Variants in GOLM1 observed in about 807,000 individuals in gnomAD.
GOLM1 encodes golgi membrane protein 1, also known as epididymis luminal protein 46.
GOLM1 carries 31 observed loss-of-function variants against 50.5 expected under a neutral mutation model. The ratio of observed to expected loss-of-function variants is 0.61; its 90% CI spans 0.46 to 0.83. The LOEUF (loss-of-function observed/expected upper bound fraction) is 0.83, where lower values mean the gene tolerates loss of function less well. Ranked by LOEUF, GOLM1 falls within the 40% of genes least tolerant of loss-of-function variation. GOLM1 has a pLI of 0.00. For missense variants in GOLM1, 491 were observed against 501.3 expected (o/e 0.98, Z 0.20); for synonymous variants, 178 against 192.8 (o/e 0.92, Z 0.64).
chr9:86,087,930 G>A (rs1835030734), intron 1 of GOLM1, among the ~76,000 whole-genome samples: 1 of 152,144 alleles, frequency 6.6e-6, no homozygotes, highest in Non-Finnish European at 1.5e-5. Context: ...CCAGGTTTTG[G>A]TATCAGGATG....
intron 3 of GOLM1, among the ~76,000 whole-genome samples, chr9:86,060,762 C>T (rs1479240353): frequency 1.3e-5 from 2 of 151,372 alleles, no homozygotes; most frequent in African/African-American, 4.9e-5. Context: ...CCTGTAATCC[C>T]AGCTACTTGG....
chr9:86,076,285 G>A (rs956093062), intron 3 of GOLM1, among the ~76,000 whole-genome samples: 1 of 151,796 alleles, frequency 6.6e-6, no homozygotes, highest in Non-Finnish European at 1.5e-5. Context: ...GCTGGGCGTG[G>A]TGGCACATGC....
intron 3 of GOLM1, 58 bp from the exon 4 acceptor site, chr9:86,052,649 A>G: frequency 6.8e-7 from 1 of 1,461,692 alleles, no homozygotes; most frequent in South Asian, 1.1e-5. Context: ...CCTGACAGCC[A>G]GATGTGATAC....
chr9:86,089,276 G>T (rs1189017840), intron 1 of GOLM1, among the ~76,000 whole-genome samples: 4 of 152,106 alleles, frequency 2.6e-5, no homozygotes, highest in Non-Finnish European at 5.9e-5. Flanking sequence ...GGTGTTCTCT[G>T]TATTTCCTGA....
intron 3 of GOLM1, among the ~76,000 whole-genome samples, chr9:86,052,794 C>A (rs1035261203): frequency 6.6e-6 from 1 of 152,072 alleles, no homozygotes; most frequent in Non-Finnish European, 1.5e-5. Context: ...TCCCCACCAC[C>A]GCCTCTGGAC....
chr9:86,094,840 T>C lies in GOLM1; in HGVS notation c.-22+4571A>G, dbSNP rs140309890. The stretch of plus-strand genomic sequence containing the variant: ...GGCTAATGCCTGTAATCCCAGCACT[T>C]TGGGAGGCCAAGGCAGGCGGATCAC... On this transcript the variant is annotated intron_variant, in intron 1 of 9. Coordinates refer to ENST00000388712, the MANE Select transcript of GOLM1 (RefSeq NM_016548.4). Among the ~76,000 whole-genome samples, 968 of 152,216 alleles carry C rather than the reference T, an allele frequency of 6.4e-3. 9 individuals carry two copies. The highest frequency in any genetic ancestry group is 0.022 in the African/African-American group (926 of 41,534).
intron 1 of GOLM1, among the ~76,000 whole-genome samples, chr9:86,094,648 G>A (rs567508366): frequency 5.3e-5 from 8 of 152,234 alleles, no homozygotes; most frequent in Middle Eastern, 3.4e-3. Context: ...ATATATCCTG[G>A]GGCCAGCACG....
chr9:86,082,022 A>C (rs1834796972), intron 1 of GOLM1, among the ~76,000 whole-genome samples: 1 of 121,712 alleles, frequency 8.2e-6, no homozygotes. Context: ...ATCACCTGGG[A>C]CACTTTTTTT....
intron 4 of GOLM1, among the ~76,000 whole-genome samples, chr9:86,051,717 CTG>C (rs1833758785): frequency 6.6e-6 from 1 of 152,078 alleles, no homozygotes; most frequent in African/African-American, 2.4e-5. Flanking sequence ...CGCTGTCAAA[CTG>C]AACCTTTATG....
intron 8 of GOLM1, 116 bp from the exon 9 acceptor site, chr9:86,033,511 T>C: frequency 1.5e-6 from 1 of 665,388 alleles, no homozygotes; most frequent in Non-Finnish European, 2.7e-6. Context: ...ATCTGTCTGC[T>C]GCCTCTCTGG....
chr9:86,047,007 GCAGCCACT>G (rs1833568522), intron 4 of GOLM1, among the ~76,000 whole-genome samples: 1 of 152,140 alleles, frequency 6.6e-6, no homozygotes, highest in South Asian at 2.1e-4. Flanking sequence ...GGTCAGATAA[GCAGCCACT>G]CCTGCTGGAC....
At chr9:86,066,992 T>C (rs1007211213) in intron 3 of GOLM1, among the ~76,000 whole-genome samples, 21 of 152,298 alleles carry the variant, frequency 1.4e-4, no homozygotes, top group African/African-American at 4.1e-4. Flanking sequence ...GCTAGAGTGC[T>C]TGGCATGGTC....
chr9:86,063,288 G>A (rs1834213432), intron 3 of GOLM1, among the ~76,000 whole-genome samples: 1 of 152,194 alleles, frequency 6.6e-6, no homozygotes, highest in Admixed American at 6.5e-5. Context: ...GGAGGCCTGG[G>A]GCTGCAGACT....
intron 6 of GOLM1, among the ~76,000 whole-genome samples, chr9:86,038,155 CAAAAGAAAAAAAAAAAAAAGA>C (rs1833210022): frequency 1.6e-5 from 2 of 123,356 alleles, no homozygotes; most frequent in African/African-American, 6.3e-5. Flanking sequence ...ACTCCAACAC[CAAAAGAAAAAAAAAAAAAAGA>C]AAAAGAAAAA....
chr9:86,096,718 G>A (rs1587749332), intron 1 of GOLM1, among the ~76,000 whole-genome samples: 1 of 152,098 alleles, frequency 6.6e-6, no homozygotes, highest in Non-Finnish European at 1.5e-5. Context: ...TTAAAACAGG[G>A]TTTCTACCTC....
At position 86,028,248 on chromosome 9, in the gene GOLM1, C is replaced by T. The variant is rs1008372993; in HGVS notation, c.1130-355G>A. Among the ~76,000 whole-genome samples the T allele has an allele frequency of 3.9e-5, 6 of 152,314 alleles. No homozygotes were observed. The South Asian group carries it at 8.3e-4, about 21-fold the overall frequency. On this transcript the variant is annotated intron_variant, in intron 9 of 9. Coordinates refer to ENST00000388712, the MANE Select transcript of GOLM1 (RefSeq NM_016548.4). ...CACCCATTCTGTGCCTATAAAAACC[C>T]TGAGACCCCAGCGGGCACACACACA...
chr9:86,086,994 C>T (rs1348636318), intron 1 of GOLM1, among the ~76,000 whole-genome samples: 1 of 152,126 alleles, frequency 6.6e-6, no homozygotes, highest in Non-Finnish European at 1.5e-5. Context: ...TGAAGAAAGT[C>T]AAGGGTAGCT....
intron 3 of GOLM1, among the ~76,000 whole-genome samples, chr9:86,055,195 G>T (rs749004411): frequency 2.0e-5 from 3 of 152,174 alleles, no homozygotes; most frequent in Non-Finnish European, 4.4e-5. Flanking sequence ...ATTTCCTGGG[G>T]CAACAGGAGA....
At chr9:86,053,291 C>T (rs1833835998) in intron 3 of GOLM1, among the ~76,000 whole-genome samples, 2 of 143,448 alleles carry the variant, frequency 1.4e-5, no homozygotes, top group Non-Finnish European at 3.1e-5. Flanking sequence ...CACCATTCCA[C>T]ACCACACACC....
Sources: allele counts gnomAD v4.1 joint callset (sites outside exome capture counted in the v4.1 genomes callset), GRCh38; gene constraint gnomAD v4.1.1; transcripts MANE v1.5; gene names NCBI Gene and HGNC (gene_info 2026-07-23, HGNC 2026-07-21).